The following TRIO variants were observed in gnomAD, a reference collection of about 807,000 sequenced individuals.
TRIO encodes trio Rho guanine nucleotide exchange factor, also known as triple functional domain protein.
A neutral mutation model predicts 351.9 loss-of-function variants in TRIO; 58 were observed. That is an observed-to-expected ratio of 0.16 (90% CI 0.13 to 0.21). TRIO has a LOEUF of 0.21. TRIO is among the 10% of genes least tolerant of loss of function. The pLI is 1.00. For missense variants in TRIO, 3,201 were observed against 4,027.8 expected (o/e 0.79, Z 5.56); for synonymous variants, 1,758 against 1,595.7 (o/e 1.10, Z -2.42).
chr5:14,472,552 G>C, intron 38 of TRIO, 40 bp from the exon 39 acceptor site: 1 of 1,610,118 alleles, frequency 6.2e-7, no homozygotes, highest in South Asian at 1.1e-5. Context: ...AATTCATTTA[G>C]AAAACAGTTT....
chr5:14,250,530 C>G (rs534751560), intron 1 of TRIO, among the ~76,000 whole-genome samples: 1 of 152,278 alleles, frequency 6.6e-6, no homozygotes, highest in African/African-American at 2.4e-5. Flanking sequence ...GGAGGAGATG[C>G]TCTGTTGCCA....
chr5:14,268,834 A>T (rs164860), intron 1 of TRIO, among the ~76,000 whole-genome samples: 1 of 152,008 alleles, frequency 6.6e-6, no homozygotes, highest in Non-Finnish European at 1.5e-5. Flanking sequence ...CAGTTGCCCC[A>T]GTGCCATCTG....
In TRIO at chr5:14,508,305, C is replaced by A; in HGVS notation, c.9177C>A (p.Gly3059=). 2 of 1,613,914 alleles carry A rather than the reference C, an allele frequency of 1.2e-6. No individual in the cohort carries two copies. The highest frequency in any genetic ancestry group is 2.2e-5 in the South Asian group (2 of 91,080). The change falls in exon 57 of 57, where the codon GGC becomes GGA. Residue 3059 remains glycine (G), a synonymous_variant. Coordinates refer to ENST00000344204, the MANE Select transcript of TRIO (RefSeq NM_007118.4). ...WLQAGNGRST[G]VLDTSRLTSF... ...AGGCCGGCAACGGCAGAAGCACGGG[C>A]GTCCTCGACACGTCCAGACTGACTT... is the stretch of plus-strand genomic sequence containing the variant.
chr5:14,221,634 G>A (rs1324593515), intron 1 of TRIO, among the ~76,000 whole-genome samples: 1 of 152,238 alleles, frequency 6.6e-6, no homozygotes, highest in Non-Finnish European at 1.5e-5. Flanking sequence ...TACAAATATG[G>A]TGGAAACGGC....
At chr5:14,482,551 C>G (rs1282899175) in intron 45 of TRIO, 31 bp from the exon 46 acceptor site, 1 of 1,407,024 alleles carries the variant, frequency 7.1e-7, no homozygotes, top group Non-Finnish European at 9.4e-7. Flanking sequence ...TTCTTCTCCC[C>G]TTCCTTTTCC....
Position 14,507,821 on chromosome 5 carries a change from A to G in TRIO, c.8752-59A>G, listed in dbSNP as rs189952102. ...ACCTCACCATAGAGTCCCGCCCATCATCACGAGTAAGCTTAAGATTGGATG... is the reference window on the plus strand; with the variant it reads ...ACCTCACCATAGAGTCCCGCCCATCGTCACGAGTAAGCTTAAGATTGGATG... On this transcript the variant is annotated intron_variant, in intron 56 of 56. Coordinates refer to ENST00000344204, the MANE Select transcript of TRIO (RefSeq NM_007118.4). 390 of 1,560,650 alleles carry G rather than the reference A, an allele frequency of 2.5e-4. 3 individuals are homozygous for G. In the East Asian group the frequency reaches 7.2e-3, roughly 29 times the overall value.
intron 3 of TRIO, among the ~76,000 whole-genome samples, chr5:14,282,152 TTTC>T (rs1271758459): frequency 6.6e-6 from 1 of 152,256 alleles, no homozygotes; most frequent in Non-Finnish European, 1.5e-5. Context: ...AAGTTTTCCC[TTTC>T]TTCTTCTGGT....
rs1011646076 is a variant in TRIO at position 14,333,726 on chromosome 5, A to C, written c.1855-2810A>C. 2.0e-5 allele frequency among the ~76,000 whole-genome samples: 3 copies of C among 152,174 alleles called. No individual in the cohort carries two copies. In the East Asian group the frequency reaches 5.8e-4, roughly 29 times the overall value. On this transcript the variant is annotated intron_variant, in intron 10 of 56. Coordinates refer to ENST00000344204, the MANE Select transcript of TRIO (RefSeq NM_007118.4). Reference sequence around the variant, plus strand: ...AGGATTGCAGGAAGAGCAAAGTCTCATGCACCTTTGCCTTCTAGTGGCTCT... The same window carrying C: ...AGGATTGCAGGAAGAGCAAAGTCTCCTGCACCTTTGCCTTCTAGTGGCTCT...
intron 1 of TRIO, among the ~76,000 whole-genome samples, chr5:14,169,693 G>A (rs1788986372): frequency 6.6e-6 from 1 of 151,988 alleles, no homozygotes; most frequent in South Asian, 2.1e-4. Flanking sequence ...CTTAATTATG[G>A]TTTTTCATGT....
intron 34 of TRIO, among the ~76,000 whole-genome samples, chr5:14,450,983 T>C (rs1301713720): frequency 1.2e-4 from 19 of 152,222 alleles, no homozygotes; most frequent in Admixed American, 1.2e-3. Context: ...AATGAACACA[T>C]AGAAGTCAGC....
At chr5:14,225,792 A>AC (rs56044349) in intron 1 of TRIO, among the ~76,000 whole-genome samples, 27,016 of 77,286 alleles carry the variant, frequency 0.35, 4,925 homozygotes, top group East Asian at 0.51. Context: ...CACTGCTCCC[A>AC]CCCCCCCCCC....
rs1756017574 is a variant in TRIO at position 14,487,501 on chromosome 5, C to CGGG, written c.6876_6878dup (p.Gly2298dup). 6.9e-6 allele frequency: 7 copies of CGGG among 1,014,252 alleles called. No individual in the cohort carries two copies. The highest frequency in any genetic ancestry group is 8.5e-6 in the Non-Finnish European group (7 of 818,740). 62.8% of individuals were successfully genotyped at this position (1,014,252 alleles called of 1,614,324 possible). A position where few individuals can be genotyped will look rare whatever the true frequency, so the allele number is the denominator to read the frequency against. ...CAATCGAGTACCAGAGGAACCACAG[C>CGGG]GGGGGCGGCGGCGGCGGCGGCAGCG... is the stretch of plus-strand genomic sequence containing the variant. On this transcript the variant is annotated inframe_insertion, in exon 48 of 57. Coordinates refer to ENST00000344204, the MANE Select transcript of TRIO (RefSeq NM_007118.4).
chr5:14,403,237 TGTGGTGAGGGTACAGGTGGTG>T (rs1579550933), intron 31 of TRIO, among the ~76,000 whole-genome samples: 122 of 59,412 alleles, frequency 2.1e-3, no homozygotes, highest in Middle Eastern at 0.017. Context: ...GGGTGTAGGT[TGTGGTGAGGGTACAGGTGGTG>T]GTGAGGGTGC....
chr5:14,262,858 T>A (rs1324226632), intron 1 of TRIO, among the ~76,000 whole-genome samples: 2 of 152,096 alleles, frequency 1.3e-5, no homozygotes, highest in African/African-American at 4.8e-5. Flanking sequence ...GGCATGGCTA[T>A]CCTATAGGCA....
chr5:14,492,935 G>C, intron 49 of TRIO, 121 bp downstream of exon 49: 13 of 1,448,482 alleles, frequency 9.0e-6, no homozygotes, highest in Non-Finnish European at 1.2e-5. Context: ...TGGTATGTTA[G>C]AACAGGCTCA....
chr5:14,359,969 A>T (rs999760547), intron 13 of TRIO, among the ~76,000 whole-genome samples: 1 of 145,554 alleles, frequency 6.9e-6, no homozygotes, highest in African/African-American at 2.5e-5. Flanking sequence ...CATCCTTCCC[A>T]CTCTCCTCCT....
In TRIO at chr5:14,340,483, C is replaced by T. The variant is rs542765200; in HGVS notation, c.2046+3756C>T. On this transcript the variant is annotated intron_variant, in intron 11 of 56. Coordinates refer to ENST00000344204, the MANE Select transcript of TRIO (RefSeq NM_007118.4). Reference sequence around the variant, plus strand: ...TTTTTTAGAAGTTGCTAAAGGCTCTCGTGACAGAAGTTAGTCTTCCTTGCT... The same window carrying T: ...TTTTTTAGAAGTTGCTAAAGGCTCTTGTGACAGAAGTTAGTCTTCCTTGCT... 4.7e-4 allele frequency among the ~76,000 whole-genome samples: 72 copies of T among 152,154 alleles called. 1 individual carries two copies. In the South Asian group the frequency reaches 0.013, roughly 28 times the overall value.
At position 14,488,374 on chromosome 5, in the gene TRIO, G is replaced by A. The variant is rs553067792; in HGVS notation, c.7632+114G>A. 74 of 1,426,834 alleles carry A rather than the reference G, an allele frequency of 5.2e-5. No homozygotes were observed. In the African/African-American group the frequency reaches 8.1e-4, roughly 16 times the overall value. The allele number at this position is 1,426,834 out of a possible 1,614,324, so 88.4% of individuals were successfully genotyped here. A position where few individuals can be genotyped will look rare whatever the true frequency, so the allele number is the denominator to read the frequency against. On this transcript the variant is annotated intron_variant, in intron 48 of 56. Transcript: ENST00000344204. ...GGCTGCCCAGCGCTCTCCGCCGCCC[G>A]TTGCGGCCTCTACCTGGGACCAGGC...
intron 1 of TRIO, among the ~76,000 whole-genome samples, chr5:14,155,324 A>G (rs762950826): frequency 1.5e-4 from 23 of 152,240 alleles, no homozygotes; most frequent in Non-Finnish European, 2.8e-4. Flanking sequence ...CCTTACCTCT[A>G]AATGGTTCAG....
Sources: allele counts gnomAD v4.1 joint callset (sites outside exome capture counted in the v4.1 genomes callset), GRCh38; gene constraint gnomAD v4.1.1; transcripts MANE v1.5; gene names NCBI Gene and HGNC (gene_info 2026-07-23, HGNC 2026-07-21).